PLEKHG3: variants seen among roughly 807,000 people sequenced by gnomAD.
PLEKHG3 encodes pleckstrin homology domain-containing family G member 3.
Under a neutral mutation model 94.9 loss-of-function variants are expected in PLEKHG3, and 62 were observed. That is an observed-to-expected ratio of 0.65 (90% CI 0.53 to 0.81). The LOEUF is 0.81. PLEKHG3 is among the 30% of genes least tolerant of loss of function. PLEKHG3 has a pLI of 0.00. For missense variants in PLEKHG3, 1,461 were observed against 1,619.3 expected, an observed-to-expected ratio of 0.90 and a Z score of 1.68; for synonymous variants, 614 against 654.0, an observed-to-expected ratio of 0.94 and a Z score of 0.93.
rs1594708145 is a variant in PLEKHG3, at chr14:64,738,661, G to T, written c.1405-81G>T. The T allele has an allele frequency of 6.9e-6, 7 of 1,018,540 alleles. No homozygotes were observed. The highest frequency in any genetic ancestry group is 1.1e-5 in the Non-Finnish European group (7 of 663,100). The allele number at this position is 1,018,540 out of a possible 1,614,324, so 63.1% of individuals were successfully genotyped here. On this transcript the variant is annotated intron_variant, in intron 14 of 16. Transcript: ENST00000247226. The surrounding 1 kb of genome is among the most constrained non-coding windows in gnomAD (Gnocchi z 4.8). ...GCTCAGCCCAGCCCCTTGGGGCGTG[G>T]GAGGCACTGCCCGTGTTGGGATGCA...
intron 15 of PLEKHG3, 24 bp from the exon 16 acceptor site, chr14:64,741,012 T>G: frequency 1.0e-5 from 16 of 1,539,082 alleles, no homozygotes; most frequent in Non-Finnish European, 1.3e-5. Flanking sequence ...TTTACTCATG[T>G]GAGCCTTTTC....
At chr14:64,740,323 C>T (rs1044434347) in intron 15 of PLEKHG3, among the ~76,000 whole-genome samples, 1 of 152,166 alleles carries the variant, frequency 6.6e-6, no homozygotes, top group Non-Finnish European at 1.5e-5. Context: ...TCTGGAAAGC[C>T]GCGTATGTCA....
intron 1 of PLEKHG3, among the ~76,000 whole-genome samples, chr14:64,713,581 A>G (rs1003523301): frequency 6.6e-6 from 1 of 152,218 alleles, no homozygotes; most frequent in Non-Finnish European, 1.5e-5. Context: ...ACATTTCCTT[A>G]TCATCCTTTA....
chr14:64,746,331 GT>G lies in PLEKHG3; in HGVS notation c.*2630del. On this transcript the variant is annotated 3_prime_UTR_variant, in exon 17 of 17. Transcript: ENST00000247226. The surrounding 1 kb of genome is among the most constrained non-coding windows in gnomAD (Gnocchi z 4.9). ...AAAACTAGTAAATGGGTTTCCTCTG[GT>G]TGGTGGAAGCACGGTTGAGCAGGTG... 1 of 152,664 alleles carries G rather than the reference GT, an allele frequency of 6.6e-6. No individual in the cohort carries two copies. The highest frequency in any genetic ancestry group is 2.1e-4 in the South Asian group (1 of 4,828). The allele number at this position is 152,664 out of a possible 1,614,324, so 9.5% of individuals were successfully genotyped here.
In PLEKHG3 at chr14:64,749,550, G is replaced by A; in HGVS notation, c.*5847G>A. The A allele has an allele frequency of 1.9e-6, 3 of 1,602,190 alleles. No homozygotes were observed. The highest frequency in any genetic ancestry group is 1.3e-5 in the African/African-American group (1 of 74,972). On this transcript the variant is annotated 3_prime_UTR_variant, in exon 17 of 17. Coordinates refer to ENST00000247226, the MANE Select transcript of PLEKHG3 (RefSeq NM_001308147.2). The surrounding 1 kb of genome is among the most constrained non-coding windows in gnomAD (Gnocchi z 4.7). Reference sequence around the variant, plus strand: ...CCCGGGCCAGGCAACAATGGTGGGGGCTCTTGGGACTGCCCCTTCTGAGGG... The same window carrying A: ...CCCGGGCCAGGCAACAATGGTGGGGACTCTTGGGACTGCCCCTTCTGAGGG...
Position 64,730,143 on chromosome 14 carries a change from G to T in PLEKHG3, c.450-100G>T. 1.5e-6 allele frequency: 1 copy of T among 686,514 alleles called. No individual in the cohort carries two copies. Among genetic ancestry groups the T allele is most frequent in the Non-Finnish European group, 2.6e-6 (1 of 386,282 alleles). The allele number at this position is 686,514 out of a possible 1,614,324, so 42.5% of individuals were successfully genotyped here. A position where few individuals can be genotyped will look rare whatever the true frequency, so the allele number is the denominator to read the frequency against. On this transcript the variant is annotated intron_variant, in intron 3 of 16. Transcript: ENST00000247226. This position sits in a 1 kb window ranked among gnomAD's most constrained non-coding sequence, Gnocchi z 5.4. ...CCCCAGTTCTTTAGCAAAGCAATAG[G>T]GCTGGCTGTCAGTCAGGGTTTGGGA...
intron 1 of PLEKHG3, among the ~76,000 whole-genome samples, chr14:64,712,356 C>CA (rs34815337): frequency 1.4e-3 from 203 of 147,064 alleles, no homozygotes; most frequent in African/African-American, 3.9e-3. Context: ...TCAATATCTG[C>CA]AAAAAAAAAA....
In PLEKHG3 at chr14:64,717,025, TAG is replaced by T. The variant is rs1244413378; in HGVS notation, c.-39-10563_-39-10562del. Among the ~76,000 whole-genome samples the T allele has an allele frequency of 1.3e-5, 2 of 150,794 alleles. No homozygotes were observed. Among genetic ancestry groups the T allele is most frequent in the Admixed American group, 1.3e-4 (2 of 15,126 alleles). On this transcript the variant is annotated intron_variant, in intron 1 of 16. Coordinates refer to ENST00000247226, the MANE Select transcript of PLEKHG3 (RefSeq NM_001308147.2). The surrounding 1 kb of genome is among the most constrained non-coding windows in gnomAD (Gnocchi z 4.7). Reference sequence around the variant, plus strand: ...GGGGGATGGGGGAAGGAGCTATGGGTAGAGAGGGGCCCCCTGGGCCCTGTAGG... The same window carrying T: ...GGGGGATGGGGGAAGGAGCTATGGGTAGAGGGGCCCCCTGGGCCCTGTAGG...
chr14:64,711,767 A>G (rs969166874), intron 1 of PLEKHG3, among the ~76,000 whole-genome samples: 1 of 152,122 alleles, frequency 6.6e-6, no homozygotes, highest in Non-Finnish European at 1.5e-5. Flanking sequence ...CGATTTACAG[A>G]TATTTTTTCC....
rs188442051 is a variant in PLEKHG3, at chr14:64,746,419, G to A, written c.*2716G>A. The A allele has an allele frequency of 2.0e-5, 3 of 152,868 alleles. No homozygotes were observed. The highest frequency in any genetic ancestry group is 2.0e-4 in the Admixed American group (3 of 15,316). The allele number at this position is 152,868 out of a possible 1,614,324, so 9.5% of individuals were successfully genotyped here. ...GATTGCATGGTCTGTGCCCAACAGG[G>A]TTGCATTCCTCTGCAGCCGCCGCCT... On this transcript the variant is annotated 3_prime_UTR_variant, in exon 17 of 17. Coordinates refer to ENST00000247226, the MANE Select transcript of PLEKHG3 (RefSeq NM_001308147.2). This position sits in a 1 kb window ranked among gnomAD's most constrained non-coding sequence, Gnocchi z 4.9.
In PLEKHG3 at chr14:64,749,443, T is replaced by A; in HGVS notation, c.*5740T>A. 6.2e-7 allele frequency: 1 copy of A among 1,602,804 alleles called. No homozygotes were observed. The highest frequency in any genetic ancestry group is 8.5e-7 in the Non-Finnish European group (1 of 1,178,766). Reference sequence around the variant, plus strand: ...CTCTGGGACTCGTTGATGGCGGTGCTCACGCCCTGCAGCCAGGACAGCATC... The same window carrying A: ...CTCTGGGACTCGTTGATGGCGGTGCACACGCCCTGCAGCCAGGACAGCATC... On this transcript the variant is annotated 3_prime_UTR_variant, in exon 17 of 17. Coordinates refer to ENST00000247226, the MANE Select transcript of PLEKHG3 (RefSeq NM_001308147.2). The surrounding 1 kb of genome is among the most constrained non-coding windows in gnomAD (Gnocchi z 4.7).
Position 64,718,277 on chromosome 14 carries a change from G to A in PLEKHG3, c.-39-9316G>A, listed in dbSNP as rs568505711. Among the ~76,000 whole-genome samples, 4 of 152,280 alleles carry A rather than the reference G, an allele frequency of 2.6e-5. No homozygotes were observed. Among genetic ancestry groups the A allele is most frequent in the Admixed American group, 2.6e-4 (4 of 15,306 alleles). On this transcript the variant is annotated intron_variant, in intron 1 of 16. Transcript: ENST00000247226. The surrounding 1 kb of genome is among the most constrained non-coding windows in gnomAD (Gnocchi z 5.0). Reference sequence around the variant, plus strand: ...GGCCATTTTTCCTTCTGAAGTTCAAGTTCTTCAAAGACAGGGACAATGTCT... The same window carrying A: ...GGCCATTTTTCCTTCTGAAGTTCAAATTCTTCAAAGACAGGGACAATGTCT...
At position 64,717,950 on chromosome 14, in the gene PLEKHG3, G is replaced by T. The variant is rs2081197132; in HGVS notation, c.-39-9643G>T. 6.6e-6 allele frequency among the ~76,000 whole-genome samples: 1 copy of T among 152,224 alleles called. No homozygotes were observed. The highest frequency in any genetic ancestry group is 2.1e-4 in the South Asian group (1 of 4,838). On this transcript the variant is annotated intron_variant, in intron 1 of 16. Coordinates refer to ENST00000247226, the MANE Select transcript of PLEKHG3 (RefSeq NM_001308147.2). This position sits in a 1 kb window ranked among gnomAD's most constrained non-coding sequence, Gnocchi z 4.7. ...CTGTCCTTTCCCACAAAGCCACGTG[G>T]ATTCCTTCCATCTGTCCTTGGCCTG...
rs377266593 is a variant in PLEKHG3, at chr14:64,749,351, C to T, written c.*5648C>T. The stretch of plus-strand genomic sequence containing the variant: ...AGCTGAATCTCTTCTCCTTGTCTTT[C>T]TTGCCGAGGCTGGCGTCGGGGCCGG... On this transcript the variant is annotated 3_prime_UTR_variant, in exon 17 of 17. Transcript: ENST00000247226. This position sits in a 1 kb window ranked among gnomAD's most constrained non-coding sequence, Gnocchi z 4.7. 5.1e-4 allele frequency: 829 copies of T among 1,610,372 alleles called. 2 individuals are homozygous for T. Among genetic ancestry groups the T allele is most frequent in the Non-Finnish European group, 6.8e-4 (801 of 1,179,574 alleles).
In PLEKHG3 at chr14:64,741,722, C is replaced by T. The variant is rs771313123; in HGVS notation, c.2205C>T (p.Ser735=). 6.1e-5 allele frequency: 98 copies of T among 1,612,974 alleles called. No individual in the cohort carries two copies. In the Middle Eastern group the frequency reaches 1.5e-3, roughly 24 times the overall value. The part of the protein sequence containing the change: ...ENAEHHDAGF[S]VRRRESLSYI... Reference sequence around the variant, plus strand: ...CAGAACACCATGATGCAGGCTTCAGCGTCCGTCGCCGGGAGAGCCTCTCCT... The same window carrying T: ...CAGAACACCATGATGCAGGCTTCAGTGTCCGTCGCCGGGAGAGCCTCTCCT... Residue 735 remains serine (S), a synonymous_variant, in exon 16 of 17, where the codon AGC becomes AGT. Coordinates refer to ENST00000247226, the MANE Select transcript of PLEKHG3 (RefSeq NM_001308147.2).
At position 64,749,522 on chromosome 14, in the gene PLEKHG3, C is replaced by G; in HGVS notation, c.*5819C>G. The G allele has an allele frequency of 6.3e-7, 1 of 1,597,886 alleles. No homozygotes were observed. Among genetic ancestry groups the G allele is most frequent in the Non-Finnish European group, 8.5e-7 (1 of 1,177,366 alleles). On this transcript the variant is annotated 3_prime_UTR_variant, in exon 17 of 17. Transcript: ENST00000247226. This position sits in a 1 kb window ranked among gnomAD's most constrained non-coding sequence, Gnocchi z 4.7. ...GAGTCTGGAGGCCCACAGCCCCCCACCTCCCGGGCCAGGCAACAATGGTGG... is the reference window on the plus strand; with the variant it reads ...GAGTCTGGAGGCCCACAGCCCCCCAGCTCCCGGGCCAGGCAACAATGGTGG...
At position 64,728,059 on chromosome 14, in the gene PLEKHG3, C is replaced by G; in HGVS notation, c.351+77C>G. On this transcript the variant is annotated intron_variant, in intron 2 of 16. Coordinates refer to ENST00000247226, the MANE Select transcript of PLEKHG3 (RefSeq NM_001308147.2). The surrounding 1 kb of genome is among the most constrained non-coding windows in gnomAD (Gnocchi z 5.9). ...CCTGGGAGGGAAGCTCTCAAAAGAC[C>G]TGCTTCCCATAAAGTAGTTGGAGAA... is the stretch of plus-strand genomic sequence containing the variant. The G allele has an allele frequency of 1.1e-6, 1 of 920,832 alleles. No individual in the cohort carries two copies. Among genetic ancestry groups the G allele is most frequent in the Non-Finnish European group, 1.6e-6 (1 of 628,180 alleles). The allele number at this position is 920,832 out of a possible 1,614,324, so 57.0% of individuals were successfully genotyped here. A position where few individuals can be genotyped will look rare whatever the true frequency, so the allele number is the denominator to read the frequency against.
rs1046542562 is a variant in PLEKHG3, at chr14:64,716,766, C to A, written c.-39-10827C>A. Among the ~76,000 whole-genome samples the A allele has an allele frequency of 1.3e-5, 2 of 152,056 alleles. No homozygotes were observed. The highest frequency in any genetic ancestry group is 1.5e-5 in the Non-Finnish European group (1 of 68,000). On this transcript the variant is annotated intron_variant, in intron 1 of 16. Transcript: ENST00000247226. This position sits in a 1 kb window ranked among gnomAD's most constrained non-coding sequence, Gnocchi z 5.0. ...CAGGAGTGTGGAGGTCGGGGCAGAT[C>A]GACTGCAAATCAAGGCCTCACTTTT...
At position 64,732,256 on chromosome 14, in the gene PLEKHG3, G is replaced by T. The variant is rs148271422; in HGVS notation, c.1212+75G>T. 1,472 of 1,404,872 alleles carry T rather than the reference G, an allele frequency of 1.0e-3. 15 individuals carry two copies. The African/African-American group carries it at 0.019, about 18-fold the overall frequency. 87.0% of individuals were successfully genotyped at this position (1,404,872 alleles called of 1,614,324 possible). A position where few individuals can be genotyped will look rare whatever the true frequency, so the allele number is the denominator to read the frequency against. On this transcript the variant is annotated intron_variant, in intron 10 of 16. Coordinates refer to ENST00000247226, the MANE Select transcript of PLEKHG3 (RefSeq NM_001308147.2). The surrounding 1 kb of genome is among the most constrained non-coding windows in gnomAD (Gnocchi z 4.9). ...AGCCAGCTCTGCAAGGTCCATTGGG[G>T]GCTCACCTTCTGGATTTGGGCTCCA...
Sources: gnomAD v4.1 joint callset for allele counts (sites outside exome capture counted in the v4.1 genomes callset) on GRCh38, gnomAD v4.1.1 for gene constraint, Gnocchi (gnomAD v3.1) non-coding constraint, MANE v1.5 for transcripts, NCBI Gene and HGNC (gene_info 2026-07-23, HGNC 2026-07-21) for gene names.